The following DMD variants were observed in gnomAD, a reference collection of about 807,000 sequenced individuals.
The protein encoded by DMD is mutant dystrophin.
Under a neutral mutation model 330.1 loss-of-function variants are expected in DMD, and 63 were observed. The observed-to-expected ratio is 0.19, with a 90% confidence interval of 0.16 to 0.24. DMD has a LOEUF of 0.24. DMD is among the 10% of genes least tolerant of loss of function. The pLI is 1.00. For synonymous variants in DMD, 1,223 were observed against 959.8 expected (o/e 1.27, Z -5.07); for missense variants, 3,344 against 2,684.1 (o/e 1.25, Z -5.43).
chrX:32,353,180 G>A (rs2097787502), intron 37 of DMD, among the ~76,000 whole-genome samples: 1 of 111,170 alleles, frequency 9.0e-6, no homozygotes, highest in South Asian at 3.7e-4. Context: ...TGGACACAAA[G>A]AGATGAAAAA....
chrX:31,587,588 G>GT (rs1024710271), intron 55 of DMD, among the ~76,000 whole-genome samples: 2 of 112,128 alleles, frequency 1.8e-5, no homozygotes, highest in African/African-American at 3.2e-5. Flanking sequence ...CAAGCCATTC[G>GT]TAAGTGCCTC....
rs915705504 is a variant in DMD, at chrX:32,918,193, C to G, written c.94-68373G>C. On this transcript the variant is annotated intron_variant, in intron 2 of 78. Coordinates refer to ENST00000357033, the MANE Select transcript of DMD (RefSeq NM_004006.3). ...CCTCTGTTGGACATACGCATACACA[C>G]CAACTTATCTATTGCAAGGGTCTAT... 6.3e-5 allele frequency among the ~76,000 whole-genome samples: 7 copies of G among 110,872 alleles called. No homozygotes were observed. In the Admixed American group the frequency reaches 6.8e-4, roughly 11 times the overall value.
intron 1 of DMD, among the ~76,000 whole-genome samples, chrX:33,248,729 T>C (rs1035870283): frequency 1.8e-5 from 2 of 112,004 alleles, no homozygotes; most frequent in Non-Finnish European, 3.8e-5. Context: ...TGAAAAGTAT[T>C]GTTAGTAATT....
At chrX:31,190,579 T>C (rs894621393) in intron 67 of DMD, among the ~76,000 whole-genome samples, 49 of 18,443 alleles carry the variant, frequency 2.7e-3, no homozygotes, top group Non-Finnish European at 1.8e-3. Flanking sequence ...TTTTTGGTTG[T>C]CACAACTGGG....
intron 57 of DMD, among the ~76,000 whole-genome samples, chrX:31,492,886 G>A (rs1462561129): frequency 4.7e-5 from 5 of 106,438 alleles, no homozygotes; most frequent in Non-Finnish European, 9.7e-5. Context: ...GGGGTGGGGG[G>A]CTAGGGGAGG....
chrX:32,568,709 TTCTC>T (rs1213171826), intron 15 of DMD, among the ~76,000 whole-genome samples: 2 of 111,045 alleles, frequency 1.8e-5, no homozygotes, highest in African/African-American at 3.3e-5. Flanking sequence ...TGGTCTCAGT[TTCTC>T]TCTCTTTTTC....
intron 1 of DMD, among the ~76,000 whole-genome samples, chrX:33,325,805 C>G (rs2054080885): frequency 8.9e-6 from 1 of 111,801 alleles, no homozygotes; most frequent in Non-Finnish European, 1.9e-5. Flanking sequence ...AAATGAAGAA[C>G]CACATTTTTG....
chrX:32,079,682 T>C (rs915414145), intron 44 of DMD, among the ~76,000 whole-genome samples: 6 of 111,764 alleles, frequency 5.4e-5, no homozygotes, highest in Non-Finnish European at 1.1e-4. Flanking sequence ...AAAAATGTCC[T>C]AGATATTCTG....
intron 55 of DMD, among the ~76,000 whole-genome samples, chrX:31,555,327 T>G (rs946887035): frequency 2.7e-5 from 3 of 111,543 alleles, no homozygotes; most frequent in African/African-American, 9.8e-5. Context: ...AGATAAGTAG[T>G]TAGCAAGCAG....
intron 18 of DMD, chrX:32,516,929 G>C (rs965488260): frequency 1.3e-4 from 14 of 111,616 alleles, no homozygotes; most frequent in Non-Finnish European, 1.9e-5. Flanking sequence ...ATTTAAAATA[G>C]CTTTCCAATT....
rs566508820 is a variant in DMD, at chrX:32,828,451, T to TACACAC, written c.265-5070_265-5065dup. The stretch of plus-strand genomic sequence containing the variant: ...TATATACTGGATCAGAGTGTGTGTA[T>TACACAC]ACACACACACACACACACACACTCT... On this transcript the variant is annotated intron_variant, in intron 4 of 78. Transcript: ENST00000357033. Among the ~76,000 whole-genome samples the TACACAC allele has an allele frequency of 3.9e-3, 407 of 105,051 alleles. 3 individuals are homozygous for TACACAC. The highest frequency in any genetic ancestry group is 0.013 in the African/African-American group (377 of 28,784). 91.2% of individuals were successfully genotyped at this position (105,051 alleles called of 115,157 possible). A position where few individuals can be genotyped will look rare whatever the true frequency, so the allele number is the denominator to read the frequency against.
chrX:31,295,216 C>T (rs1056078287), intron 62 of DMD, among the ~76,000 whole-genome samples: 2 of 110,138 alleles, frequency 1.8e-5, no homozygotes, highest in Admixed American at 1.9e-4. Flanking sequence ...AGGATGATCT[C>T]GATCTCCCGA....
intron 57 of DMD, among the ~76,000 whole-genome samples, chrX:31,494,167 A>G (rs1194364554): frequency 9.2e-6 from 1 of 108,840 alleles, no homozygotes; most frequent in East Asian, 2.9e-4. Flanking sequence ...AAAAAAAAAA[A>G]AAAAAAAAAT....
At chrX:31,228,267 T>TAAAAAAAAAAAAAAAAAAAAAA (rs1367757647) in intron 63 of DMD, among the ~76,000 whole-genome samples, 4 of 39,584 alleles carry the variant, frequency 1.0e-4, no homozygotes, top group Non-Finnish European at 1.7e-4. Flanking sequence ...AAAAAAAAAA[T>TAAAAAAAAAAAAAAAAAAAAAA]AAAAAAATAA....
intron 2 of DMD, among the ~76,000 whole-genome samples, chrX:32,967,432 A>T (rs2092204021): frequency 1.8e-5 from 2 of 112,125 alleles, no homozygotes; most frequent in South Asian, 7.5e-4. Context: ...ATGCCACTGG[A>T]GACTTCTAGC....
chrX:31,904,540 T>C lies in DMD; in HGVS notation c.6912+25056A>G, dbSNP rs141341697. On this transcript the variant is annotated intron_variant, in intron 47 of 78. Transcript: ENST00000357033. ...AGCAATTTCACTCTTTCTCTGTCTCTTTCCCCCCTCCCCCACTTTCTCTCA... is the reference window on the plus strand; with the variant it reads ...AGCAATTTCACTCTTTCTCTGTCTCCTTCCCCCCTCCCCCACTTTCTCTCA... 8.1e-3 allele frequency among the ~76,000 whole-genome samples: 902 copies of C among 111,980 alleles called. 5 individuals are homozygous for C. Among genetic ancestry groups the C allele is most frequent in the South Asian group, 0.031 (84 of 2,681 alleles).
In DMD at chrX:31,827,218, C is replaced by T. The variant is rs564485005; in HGVS notation, c.7201-7135G>A. ...CAAAATATCACTTGTGGTAAAAGGACGGAAAAAGATACTCCATGCAAATGG... is the reference window on the plus strand; with the variant it reads ...CAAAATATCACTTGTGGTAAAAGGATGGAAAAAGATACTCCATGCAAATGG... On this transcript the variant is annotated intron_variant, in intron 49 of 78. Transcript: ENST00000357033. Among the ~76,000 whole-genome samples the T allele has an allele frequency of 1.9e-4, 21 of 111,345 alleles. 1 individual carries two copies. The highest frequency in any genetic ancestry group is 9.2e-3 in the Middle Eastern group (2 of 217).
intron 53 of DMD, among the ~76,000 whole-genome samples, chrX:31,666,338 A>G (rs1313207565): frequency 2.7e-5 from 3 of 111,940 alleles, no homozygotes; most frequent in Non-Finnish European, 3.8e-5. Context: ...CCTTGCCTCT[A>G]TGATCATGAA....
chrX:31,604,074 A>G, intron 55 of DMD, among the ~76,000 whole-genome samples: 1 of 112,088 alleles, frequency 8.9e-6, no homozygotes, highest in South Asian at 3.7e-4. Context: ...AGTTTAAGAA[A>G]GAAGATTTTA....
Sources: gnomAD v4.1 joint callset for allele counts (sites outside exome capture counted in the v4.1 genomes callset) on GRCh38, gnomAD v4.1.1 for gene constraint, MANE v1.5 for transcripts, NCBI Gene and HGNC (gene_info 2026-07-23, HGNC 2026-07-21) for gene names.